The following RAP1B variants were observed in gnomAD, a reference collection of about 807,000 sequenced individuals.
The protein encoded by RAP1B is RAP1B, member of RAS oncogene family, also known as ras-related protein Rap-1b.
In RAP1B, 1 loss-of-function variant was observed where a neutral mutation model predicts 27.5. The observed-to-expected ratio is 0.04, with a 90% CI of 0.01 to 0.17. RAP1B has a LOEUF of 0.17. RAP1B is among the 10% of genes least tolerant of loss of function. The probability of loss-of-function intolerance (pLI) is 1.00; values close to 1 mark genes in which losing one functional copy is unlikely to be tolerated. For synonymous variants in RAP1B, 75 were observed against 73.1 expected (o/e 1.03, Z -0.13); for missense variants, 84 against 214.8 (o/e 0.39, Z 3.81).
chr12:68,656,131 C>T (rs572438851), intron 5 of RAP1B, among the ~76,000 whole-genome samples, 175 bp from the exon 6 acceptor site: 2 of 152,178 alleles, frequency 1.3e-5, no homozygotes, highest in East Asian at 3.9e-4. Context: ...AAAGTTAATA[C>T]TTATGTTTAT....
chr12:68,659,305 A>G lies in RAP1B; in HGVS notation c.*56A>G, dbSNP rs867473063. 19 of 456,916 alleles carry G rather than the reference A, an allele frequency of 4.2e-5. No homozygotes were observed. Among genetic ancestry groups the G allele is most frequent in the African/African-American group, 3.2e-4 (16 of 50,104 alleles). 28.3% of individuals were successfully genotyped at this position (456,916 alleles called of 1,614,324 possible). ...GTCTGAAGAACTGTTGCCCAATTCA[A>G]CAGTGCCAGCATTCCAACTTTGTTA... On this transcript the variant is annotated 3_prime_UTR_variant, in exon 8 of 8. Transcript: ENST00000250559.
intron 1 of RAP1B, among the ~76,000 whole-genome samples, chr12:68,630,505 T>G (rs1228116530): frequency 6.6e-6 from 1 of 152,158 alleles, no homozygotes; most frequent in East Asian, 1.9e-4. Context: ...GAAACTGGTT[T>G]TGATTCATTC....
rs1047905052 is a variant in RAP1B, at chr12:68,668,314, T to C, written c.*9065T>C. The C allele has an allele frequency of 2.6e-5, 4 of 152,224 alleles. No homozygotes were observed. Among genetic ancestry groups the C allele is most frequent in the African/African-American group, 9.6e-5 (4 of 41,454 alleles). 9.4% of individuals were successfully genotyped at this position (152,224 alleles called of 1,614,324 possible). A position where few individuals can be genotyped will look rare whatever the true frequency, so the allele number is the denominator to read the frequency against. Reference sequence around the variant, plus strand: ...TCCATACTGTATCAGAGGAGCCAGTTGCACAGTGTTGATCTCCCTAAGACT... The same window carrying C: ...TCCATACTGTATCAGAGGAGCCAGTCGCACAGTGTTGATCTCCCTAAGACT... On this transcript the variant is annotated 3_prime_UTR_variant, in exon 8 of 8. Transcript: ENST00000250559.
At chr12:68,626,594 A>G (rs888205905) in intron 1 of RAP1B, among the ~76,000 whole-genome samples, 5 of 152,114 alleles carry the variant, frequency 3.3e-5, no homozygotes, top group Non-Finnish European at 7.4e-5. Flanking sequence ...TTAAAGTATT[A>G]ATAATCTGAT....
At chr12:68,636,728 T>A (rs1034260952) in intron 1 of RAP1B, among the ~76,000 whole-genome samples, 1 of 152,034 alleles carries the variant, frequency 6.6e-6, no homozygotes, top group Non-Finnish European at 1.5e-5. Flanking sequence ...CCCTGCTGTT[T>A]TTTTTTGAGA....
chr12:68,627,255 G>C, intron 1 of RAP1B: 1 of 1,125,492 alleles, frequency 8.9e-7, no homozygotes, highest in Non-Finnish European at 1.3e-6. Flanking sequence ...GGGTCCCTTA[G>C]AGCAACCCAT....
At chr12:68,651,852 T>A in intron 3 of RAP1B, 143 bp from the exon 4 acceptor site, 1 of 590,758 alleles carries the variant, frequency 1.7e-6, no homozygotes. Flanking sequence ...TTCCTCCTGC[T>A]TTGTTGAAGT....
chr12:68,649,315 T>TA (rs1873646052), intron 2 of RAP1B: 2 of 153,142 alleles, frequency 1.3e-5, no homozygotes, highest in African/African-American at 4.8e-5. Context: ...GTGCTGGAAT[T>TA]ACAGGCATAA....
chr12:68,642,813 C>T (rs955693088), intron 1 of RAP1B: 13 of 1,022,996 alleles, frequency 1.3e-5, no homozygotes, highest in South Asian at 3.8e-5. Flanking sequence ...GCCTTGGCCA[C>T]GTTGGCCTTG....
rs527470870 is a variant in RAP1B, at chr12:68,646,271, T to C, written c.-26-2428T>C. ...GGAGGTTTTAGTGAATATATAGTTA[T>C]GCAGCCATCACTACAACCAGTTTTT... is the stretch of plus-strand genomic sequence containing the variant. On this transcript the variant is annotated intron_variant, in intron 1 of 7. Coordinates refer to ENST00000250559, the MANE Select transcript of RAP1B (RefSeq NM_001010942.3). Among the ~76,000 whole-genome samples the C allele has an allele frequency of 3.3e-5, 5 of 152,100 alleles. No homozygotes were observed. The South Asian group carries it at 8.3e-4, about 25-fold the overall frequency.
rs903903759 is a variant in RAP1B, at chr12:68,666,221, C to G, written c.*6972C>G. 6.6e-6 allele frequency: 1 copy of G among 152,180 alleles called. No individual in the cohort carries two copies. The highest frequency in any genetic ancestry group is 2.4e-5 in the African/African-American group (1 of 41,440). 9.4% of individuals were successfully genotyped at this position (152,180 alleles called of 1,614,324 possible). A position where few individuals can be genotyped will look rare whatever the true frequency, so the allele number is the denominator to read the frequency against. ...CAGTAATGTAAACTTTATTTTCTCT[C>G]AATTTTCGTAAGTGGTATTTTGGTG... On this transcript the variant is annotated 3_prime_UTR_variant, in exon 8 of 8. Transcript: ENST00000250559.
chr12:68,636,477 G>A (rs1592443854), intron 1 of RAP1B, among the ~76,000 whole-genome samples: 1 of 152,312 alleles, frequency 6.6e-6, no homozygotes, highest in Admixed American at 6.5e-5. Flanking sequence ...ACCCATGATA[G>A]AGTGCAGTAA....
At chr12:68,614,095 A>G (rs1299314911) in intron 1 of RAP1B, among the ~76,000 whole-genome samples, 4 of 152,230 alleles carry the variant, frequency 2.6e-5, no homozygotes, top group African/African-American at 4.8e-5. Flanking sequence ...GATTGATAAC[A>G]TGGTAACTGA....
At chr12:68,633,636 C>T (rs567098818) in intron 1 of RAP1B, among the ~76,000 whole-genome samples, 12 of 152,140 alleles carry the variant, frequency 7.9e-5, no homozygotes, top group African/African-American at 2.6e-4. Flanking sequence ...TTTGGGAGGC[C>T]GAGGCAGGCG....
At chr12:68,624,192 A>G (rs1001824574) in intron 1 of RAP1B, among the ~76,000 whole-genome samples, 4 of 152,216 alleles carry the variant, frequency 2.6e-5, no homozygotes, top group African/African-American at 9.6e-5. Context: ...TCAGGATGGA[A>G]TGCAGTGCTG....
Position 68,669,288 on chromosome 12 carries a change from TATC to T in RAP1B, c.*10042_*10044del, listed in dbSNP as rs1235505016. 1.3e-5 allele frequency: 2 copies of T among 152,338 alleles called. No homozygotes were observed. The highest frequency in any genetic ancestry group is 2.4e-5 in the African/African-American group (1 of 41,574). The allele number at this position is 152,338 out of a possible 1,614,324, so 9.4% of individuals were successfully genotyped here. A position where few individuals can be genotyped will look rare whatever the true frequency, so the allele number is the denominator to read the frequency against. Reference sequence around the variant, plus strand: ...CTGAACAAATACACTGGGAAGATAATATCATAAAAATATCAATTCCCCCAAATT... The same window carrying T: ...CTGAACAAATACACTGGGAAGATAATATAAAAATATCAATTCCCCCAAATT... On this transcript the variant is annotated 3_prime_UTR_variant, in exon 8 of 8. Coordinates refer to ENST00000250559, the MANE Select transcript of RAP1B (RefSeq NM_001010942.3).
chr12:68,651,850 G>A (rs1873836908), intron 3 of RAP1B, 145 bp from the exon 4 acceptor site: 3 of 586,080 alleles, frequency 5.1e-6, no homozygotes, highest in Non-Finnish European at 6.1e-6. Context: ...TTTTCCTCCT[G>A]CTTTGTTGAA....
intron 3 of RAP1B, 145 bp from the exon 4 acceptor site, chr12:68,651,850 G>T: frequency 1.7e-6 from 1 of 586,196 alleles, no homozygotes; most frequent in Non-Finnish European, 3.1e-6. Flanking sequence ...TTTTCCTCCT[G>T]CTTTGTTGAA....
In RAP1B at chr12:68,626,723, C is replaced by T. The variant is rs144010301; in HGVS notation, c.-27+15680C>T. The T allele has an allele frequency of 1.4e-3, 947 of 675,072 alleles. 10 individuals carry two copies. The African/African-American group carries it at 0.016, about 11-fold the overall frequency. 41.8% of individuals were successfully genotyped at this position (675,072 alleles called of 1,614,324 possible). A position where few individuals can be genotyped will look rare whatever the true frequency, so the allele number is the denominator to read the frequency against. On this transcript the variant is annotated intron_variant, in intron 1 of 7. Transcript: ENST00000250559. ...AGACAGCCCCTAATATTTCTGGTCT[C>T]GGGTAAAGGTCTTAAGGAAGAGGGA...
Sources: allele counts gnomAD v4.1 joint callset (sites outside exome capture counted in the v4.1 genomes callset), GRCh38; gene constraint gnomAD v4.1.1; transcripts MANE v1.5; gene names NCBI Gene and HGNC (gene_info 2026-07-23, HGNC 2026-07-21).